The following TENM2 variants were observed in gnomAD, a reference collection of about 807,000 sequenced individuals.
TENM2 encodes the protein teneurin transmembrane protein 2, also known as teneurin-2.
Under a neutral mutation model 245.2 loss-of-function variants are expected in TENM2, and 52 were observed. The observed-to-expected ratio is 0.21, with a 90% CI of 0.17 to 0.27. TENM2 has a LOEUF of 0.27. Among genes scored for constraint, TENM2 ranks in the 10% least tolerant of loss-of-function variants. The pLI, the probability that TENM2 is intolerant of heterozygous loss-of-function variation, is 1.00. For synonymous variants in TENM2, 1,363 were observed against 1,438.9 expected (o/e 0.95, Z 1.19); for missense variants, 3,046 against 3,666.8 (o/e 0.83, Z 4.37).
the TENM2 span, among the ~76,000 whole-genome samples, chr5:167,268,806 CAGAAGA>C: frequency 6.6e-6 from 1 of 151,926 alleles, no homozygotes; most frequent in Non-Finnish European, 1.5e-5. Context: ...TGGATCTTTA[CAGAAGA>C]TGTTTGTTGA....
rs145767611 is a variant in TENM2, at chr5:167,887,733, G to A, written c.712+11538G>A. ...AGCTACAATCCTAGGGAATGCATGC[G>A]CTTAGTGTATGGATTCATTTGCTGG... On this transcript the variant is annotated intron_variant, in intron 3 of 28. Coordinates refer to ENST00000518659, the Ensembl canonical transcript of TENM2. Among the ~76,000 whole-genome samples the A allele has an allele frequency of 2.8e-4, 43 of 152,298 alleles. No homozygotes were observed. The East Asian group carries it at 6.9e-3, about 25-fold the overall frequency.
intron 1 of TENM2, among the ~76,000 whole-genome samples, chr5:167,338,101 G>A (rs964997307): frequency 3.9e-5 from 6 of 152,166 alleles, no homozygotes; most frequent in African/African-American, 7.2e-5. Flanking sequence ...TGTTACAAAA[G>A]GTCAACATGC....
chr5:168,119,642 C>T (rs1795332254), intron 10 of TENM2, among the ~76,000 whole-genome samples: 1 of 152,156 alleles, frequency 6.6e-6, no homozygotes, highest in African/African-American at 2.4e-5. Context: ...TTGCCCATTC[C>T]CCAATCTCTG....
chr5:167,376,150 T>C (rs1760735236), intron 2 of TENM2, among the ~76,000 whole-genome samples: 4 of 152,226 alleles, frequency 2.6e-5, no homozygotes, highest in Admixed American at 2.0e-4. Flanking sequence ...TTCCGATCAT[T>C]AAGCAGTAAA....
chr5:167,157,946 A>G, the TENM2 span, among the ~76,000 whole-genome samples: 1 of 152,244 alleles, frequency 6.6e-6, no homozygotes. Flanking sequence ...AGAATTCAGC[A>G]GAAAACCTGA....
At chr5:167,741,167 A>G (rs1761151189) in intron 2 of TENM2, among the ~76,000 whole-genome samples, 1 of 152,174 alleles carries the variant, frequency 6.6e-6, no homozygotes, top group Non-Finnish European at 1.5e-5. Flanking sequence ...CCCAGTCCCT[A>G]TCTTTTCCAC....
chr5:167,215,058 G>T, the TENM2 span, among the ~76,000 whole-genome samples: 1 of 152,120 alleles, frequency 6.6e-6, no homozygotes, highest in African/African-American at 2.4e-5. Context: ...GAACAGAGGT[G>T]CTGCCTTCCC....
chr5:167,703,853 G>C (rs544077832), intron 2 of TENM2, among the ~76,000 whole-genome samples: 1 of 152,084 alleles, frequency 6.6e-6, no homozygotes, highest in Non-Finnish European at 1.5e-5. Flanking sequence ...GCAAGGATTT[G>C]TTCCTCAAAT....
intron 2 of TENM2, among the ~76,000 whole-genome samples, chr5:167,488,955 C>T (rs1257138025): frequency 1.3e-5 from 2 of 152,166 alleles, no homozygotes; most frequent in Non-Finnish European, 2.9e-5. Flanking sequence ...GCCCTGTCTG[C>T]CTGCCACCAC....
intron 5 of TENM2, among the ~76,000 whole-genome samples, chr5:168,044,006 T>C (rs1438115767): frequency 6.6e-6 from 1 of 152,236 alleles, no homozygotes; most frequent in Non-Finnish European, 1.5e-5. Context: ...ATCCCTGTTC[T>C]CAAACTTCAC....
At chr5:167,301,168 G>A (rs1353301561) in intron 1 of TENM2, among the ~76,000 whole-genome samples, 4 of 152,206 alleles carry the variant, frequency 2.6e-5, no homozygotes, top group East Asian at 1.9e-4. Context: ...CCGCTAAGCC[G>A]AGAAGATCTG....
chr5:168,111,857 G>C (rs1023347126), intron 9 of TENM2, among the ~76,000 whole-genome samples: 1 of 151,924 alleles, frequency 6.6e-6, no homozygotes, highest in South Asian at 2.1e-4. Flanking sequence ...AGGAAGCTGA[G>C]TATCTTGTCT....
Position 168,097,597 on chromosome 5 carries a change from T to C in TENM2, c.1712-429T>C, listed in dbSNP as rs1793473878. On this transcript the variant is annotated intron_variant, in intron 8 of 28. Coordinates refer to ENST00000518659, the Ensembl canonical transcript of TENM2. The stretch of plus-strand genomic sequence containing the variant: ...GCATCACCACGTCCAGCTAATTGTG[T>C]GTGTGCGTGTGTGTGTGTGTGTGTG... Among the ~76,000 whole-genome samples the C allele has an allele frequency of 5.7e-5, 3 of 52,802 alleles. No homozygotes were observed. The East Asian group carries it at 3.0e-3, about 53-fold the overall frequency. 34.6% of individuals were successfully genotyped at this position (52,802 alleles called of 152,430 possible).
At chr5:167,430,487 T>A (rs1264043780) in intron 2 of TENM2, among the ~76,000 whole-genome samples, 1 of 152,146 alleles carries the variant, frequency 6.6e-6, no homozygotes, top group Non-Finnish European at 1.5e-5. Context: ...TTTTTGACAA[T>A]TTTCTCTGAG....
intron 5 of TENM2, among the ~76,000 whole-genome samples, chr5:168,003,306 A>AACACAC (rs70976455): frequency 2.2e-5 from 2 of 90,544 alleles, no homozygotes; most frequent in Admixed American, 1.1e-4. Flanking sequence ...TTTAAGAAAA[A>AACACAC]ACACACACAC....
chr5:167,755,804 T>G (rs989446142), intron 2 of TENM2, among the ~76,000 whole-genome samples: 2 of 152,146 alleles, frequency 1.3e-5, no homozygotes, highest in Non-Finnish European at 2.9e-5. Flanking sequence ...CTGAACAGGT[T>G]TTTGTGAAAC....
chr5:168,211,864 A>T, intron 20 of TENM2, 110 bp downstream of exon 22: 1 of 635,260 alleles, frequency 1.6e-6, no homozygotes, highest in South Asian at 2.2e-5. Flanking sequence ...TTTATGTACC[A>T]AATATAGTAA....
intron 2 of TENM2, among the ~76,000 whole-genome samples, chr5:167,470,478 C>CTTTTTTTTTTTTTTTT (rs1582137507): frequency 2.6e-4 from 5 of 18,920 alleles, no homozygotes; most frequent in African/African-American, 5.8e-4. Context: ...TTTTTTTTTG[C>CTTTTTTTTTTTTTTTT]TTATGGAAGG....
intron 3 of TENM2, among the ~76,000 whole-genome samples, chr5:167,915,893 G>A (rs1404820207): frequency 6.6e-6 from 1 of 152,182 alleles, no homozygotes; most frequent in East Asian, 1.9e-4. Flanking sequence ...CATGGTATAT[G>A]AGTGAGAAAT....
Sources: gnomAD v4.1 joint callset for allele counts (sites outside exome capture counted in the v4.1 genomes callset) on GRCh38, gnomAD v4.1.1 for gene constraint, MANE v1.5 for transcripts, NCBI Gene and HGNC (gene_info 2026-07-23, HGNC 2026-07-21) for gene names.